The following LIPA variants were observed in gnomAD, a reference collection of about 807,000 sequenced individuals.
The protein encoded by LIPA is lipase A, lysosomal acid type, also known as lysosomal acid lipase/cholesteryl ester hydrolase.
In LIPA, 26 loss-of-function variants were observed where a neutral mutation model predicts 40.6. The ratio of observed to expected loss-of-function variants is 0.64; its 90% CI spans 0.47 to 0.89. LIPA has a LOEUF of 0.89. Among genes scored for constraint, LIPA ranks in the 40% least tolerant of loss-of-function variants. The pLI, the probability that LIPA is intolerant of heterozygous loss-of-function variation, is 0.00. For synonymous variants in LIPA, 188 were observed against 168.4 expected (o/e 1.12, Z -0.90); for missense variants, 455 against 479.6 (o/e 0.95, Z 0.48).
chr10:89,404,308 A>G (rs904164023), intron 2 of LIPA: 1 of 152,528 alleles, frequency 6.6e-6, no homozygotes, highest in Non-Finnish European at 1.5e-5. Flanking sequence ...ATGACAACTG[A>G]TCAGCCTTCC....
chr10:89,347,670 C>T (rs1410500549), upstream of LIPA, among the ~76,000 whole-genome samples: 1 of 152,146 alleles, frequency 6.6e-6, no homozygotes, highest in African/African-American at 2.4e-5. Context: ...TTTAAGGATC[C>T]TGAATTTAGC....
intron 1 of LIPA, among the ~76,000 whole-genome samples, chr10:89,311,282 G>A (rs935521519): frequency 7.9e-5 from 12 of 152,060 alleles, no homozygotes; most frequent in Non-Finnish European, 1.8e-4. Context: ...CAGCACTTTG[G>A]GAGGCCAAGG....
At position 89,383,573 on chromosome 10, in the gene LIPA, C is replaced by A. The variant is rs751651301; in HGVS notation, c.61+29218G>T. ...GAAGACTTAATTCAGAAAGAACATG[C>A]CAACCAAGCAGATATTAGAAGTCTG... On this transcript the variant is annotated intron_variant, in intron 2 of 8. Coordinates refer to the LIPA transcript ENST00000371837. The A allele has an allele frequency of 1.9e-6, 3 of 1,614,174 alleles. No individual in the cohort carries two copies. In the Admixed American group the frequency reaches 5.0e-5, roughly 27 times the overall value.
chr10:89,312,726 G>A (rs1005731947), intron 1 of LIPA, among the ~76,000 whole-genome samples: 5 of 151,358 alleles, frequency 3.3e-5, no homozygotes, highest in African/African-American at 7.3e-5. Context: ...GGAGAATGGC[G>A]TGAACCTGGG....
chr10:89,410,474 C>T (rs918665448), intron 2 of LIPA, among the ~76,000 whole-genome samples: 1 of 152,164 alleles, frequency 6.6e-6, no homozygotes, highest in African/African-American at 2.4e-5. Flanking sequence ...ACCTATATAC[C>T]GATGGAAGTT....
In LIPA at chr10:89,403,400, AAC is replaced by A; in HGVS notation, c.61+9389_61+9390del. 2.5e-6 allele frequency: 4 copies of A among 1,613,840 alleles called. No individual in the cohort carries two copies. In the African/African-American group the frequency reaches 5.3e-5, roughly 22 times the overall value. ...TATGCATGAAACCAGTGGTAGAAGA[AAC>A]AATGCAAGACATACATTTCCACTAT... On this transcript the variant is annotated intron_variant, in intron 2 of 8. Coordinates refer to the LIPA transcript ENST00000371837.
intron 2 of LIPA, among the ~76,000 whole-genome samples, chr10:89,394,581 T>A (rs1445198136): frequency 3.8e-4 from 7 of 18,264 alleles, no homozygotes; most frequent in African/African-American, 2.1e-3. Context: ...CAGGAAAATA[T>A]ATATATATAT....
chr10:89,389,668 C>A (rs1023573873), intron 2 of LIPA, among the ~76,000 whole-genome samples: 2 of 152,186 alleles, frequency 1.3e-5, no homozygotes, highest in African/African-American at 4.8e-5. Flanking sequence ...AATGGCTTAG[C>A]ATTTGTCCAT....
chr10:89,405,035 T>C (rs1476210721), intron 2 of LIPA: 1 of 152,188 alleles, frequency 6.6e-6, no homozygotes, highest in Non-Finnish European at 1.5e-5. Flanking sequence ...TAGCTTTCAG[T>C]GCAAGAAACC....
Position 89,227,110 on chromosome 10 carries a change from G to A in LIPA, c.429-106C>T, listed in dbSNP as rs1842779774. The A allele has an allele frequency of 6.4e-6, 5 of 785,350 alleles. No homozygotes were observed. In the Admixed American group the frequency reaches 9.4e-5, roughly 15 times the overall value. 48.6% of individuals were successfully genotyped at this position (785,350 alleles called of 1,614,324 possible). On this transcript the variant is annotated intron_variant, in intron 4 of 9. Coordinates refer to ENST00000336233, the MANE Select transcript of LIPA (RefSeq NM_000235.4). ...GTTATCACAAACTAAACACAGCTGG[G>A]AAAACCAGCAGTGAGTCCAGGAAAC... is the stretch of plus-strand genomic sequence containing the variant.
intron 1 of LIPA, among the ~76,000 whole-genome samples, chr10:89,283,042 T>C (rs941127873): frequency 1.3e-5 from 2 of 152,226 alleles, no homozygotes; most frequent in Admixed American, 6.5e-5. Flanking sequence ...TCAATATTAG[T>C]GTTGAATTAA....
intron 1 of LIPA, among the ~76,000 whole-genome samples, chr10:89,332,084 A>T (rs1843658512): frequency 6.6e-6 from 1 of 152,128 alleles, no homozygotes; most frequent in Admixed American, 6.5e-5. Flanking sequence ...TACAAAAATT[A>T]TCCAGGCATG....
chr10:89,368,175 C>T (rs1844072326), intron 2 of LIPA, among the ~76,000 whole-genome samples: 1 of 152,164 alleles, frequency 6.6e-6, no homozygotes, highest in African/African-American at 2.4e-5. Context: ...CTATGGGGCA[C>T]ACGACCTGGA....
At chr10:89,345,525 T>G (rs1288896984), upstream of LIPA, among the ~76,000 whole-genome samples, 1 of 137,050 alleles carries the variant, frequency 7.3e-6, no homozygotes. Context: ...CGAGACTCCA[T>G]CTCAAAAAAT....
intron 4 of LIPA, among the ~76,000 whole-genome samples, chr10:89,227,969 A>T (rs779216210): frequency 1.3e-5 from 2 of 152,244 alleles, no homozygotes; most frequent in East Asian, 1.9e-4. Flanking sequence ...ATGCCGAAGT[A>T]ACTTAAGAAT....
intron 1 of LIPA, among the ~76,000 whole-genome samples, chr10:89,413,295 C>T (rs975479674): frequency 5.3e-5 from 8 of 152,142 alleles, no homozygotes; most frequent in African/African-American, 1.9e-4. Context: ...TTCTTAATAG[C>T]CACAGGTGAC....
At chr10:89,401,565 C>T (rs556755838) in intron 2 of LIPA, among the ~76,000 whole-genome samples, 17 of 152,106 alleles carry the variant, frequency 1.1e-4, no homozygotes, top group South Asian at 2.1e-4. Context: ...AGAGGAGTTT[C>T]GTTTCTTTAT....
At chr10:89,274,003 T>C (rs1371817102) in intron 1 of LIPA, among the ~76,000 whole-genome samples, 2 of 152,238 alleles carry the variant, frequency 1.3e-5, no homozygotes, top group African/African-American at 4.8e-5. Context: ...GAAGAAAATA[T>C]TTACTATTTA....
intron 1 of LIPA, among the ~76,000 whole-genome samples, chr10:89,315,080 A>G (rs1258293828): frequency 6.6e-6 from 1 of 152,198 alleles, no homozygotes; most frequent in Non-Finnish European, 1.5e-5. Context: ...TTCAAGTCCA[A>G]TTCTACCAGA....
Sources: allele counts gnomAD v4.1 joint callset (sites outside exome capture counted in the v4.1 genomes callset), GRCh38; gene constraint gnomAD v4.1.1; transcripts MANE v1.5; gene names NCBI Gene and HGNC (gene_info 2026-07-23, HGNC 2026-07-21).